Variants in ATF7IP observed in about 807,000 individuals in gnomAD.
ATF7IP encodes the protein activating transcription factor 7-interacting protein 1.
ATF7IP carries 23 observed loss-of-function variants against 106.4 expected under a neutral mutation model. That is an observed-to-expected ratio of 0.22 (90% CI 0.16 to 0.31). The LOEUF is 0.31. Among genes scored for constraint, ATF7IP ranks in the 10% least tolerant of loss-of-function variants. The pLI is 1.00. For synonymous variants in ATF7IP, 542 were observed against 539.0 expected, an observed-to-expected ratio of 1.01 and a Z score of -0.08; for missense variants, 1,334 against 1,524.3, an observed-to-expected ratio of 0.88 and a Z score of 2.08.
At position 14,411,278 on chromosome 12, in the gene ATF7IP, C is replaced by G. The variant is rs538557095; in HGVS notation, c.-7-12631C>G. ...AGGTTCCAATTTATCCATATCATTG[C>G]CAATACTCATTATTCTTGTTGATTA... is the stretch of plus-strand genomic sequence containing the variant. On this transcript the variant is annotated intron_variant, in intron 1 of 14. Transcript: ENST00000261168. Among the ~76,000 whole-genome samples the G allele has an allele frequency of 2.6e-5, 4 of 152,084 alleles. No homozygotes were observed. In the East Asian group the frequency reaches 7.8e-4, roughly 30 times the overall value.
chr12:14,466,618 A>G, intron 10 of ATF7IP, 28 bp downstream of exon 10: 2 of 1,526,054 alleles, frequency 1.3e-6, no homozygotes, highest in Non-Finnish European at 1.8e-6. Flanking sequence ...TCTTCAAAGT[A>G]AAATCCTAAT....
At chr12:14,452,393 A>G (rs949162670) in intron 6 of ATF7IP, among the ~76,000 whole-genome samples, 4 of 151,840 alleles carry the variant, frequency 2.6e-5, no homozygotes, top group Admixed American at 6.6e-5. Context: ...TTTTTTCTCT[A>G]TGACTTGTAG....
In ATF7IP at chr12:14,439,840, A is replaced by AATCCATCCATCC. The variant is rs34509750; in HGVS notation, c.1929+1610_1929+1621dup. ...AGAGTGAGACTCTGTCTCCAAAATA[A>AATCCATCCATCC]ATCCATCCATCCATCCATCCATCCA... On this transcript the variant is annotated intron_variant, in intron 5 of 14. Transcript: ENST00000261168. Among the ~76,000 whole-genome samples, 543 of 148,600 alleles carry AATCCATCCATCC rather than the reference A, an allele frequency of 3.7e-3. 4 individuals carry two copies. Among genetic ancestry groups the AATCCATCCATCC allele is most frequent in the South Asian group, 3.5e-3 (16 of 4,616 alleles).
At chr12:14,391,718 G>A (rs1413310673) in intron 1 of ATF7IP, among the ~76,000 whole-genome samples, 1 of 151,774 alleles carries the variant, frequency 6.6e-6, no homozygotes, top group African/African-American at 2.4e-5. Flanking sequence ...TAGGTATTTT[G>A]TTTGTTTGTT....
chr12:14,481,046 G>C lies in ATF7IP; in HGVS notation c.3141G>C (p.Val1047=). 6.2e-7 allele frequency: 1 copy of C among 1,613,928 alleles called. No homozygotes were observed. The highest frequency in any genetic ancestry group is 8.5e-7 in the Non-Finnish European group (1 of 1,179,924). ...TAACACATCGTCCAGTAACTCAGGT[G>C]ACCACAAGACTCCCTGTACCAAGAG... ...VNVTHRPVTQ[V]TTRLPVPRAP... is the part of the protein sequence containing the mutation. Residue 1047 remains valine, a synonymous_variant, in exon 13 of 15, where the codon GTG becomes GTC. Transcript: ENST00000261168.
At chr12:14,376,143 C>T (rs1184971512) in intron 1 of ATF7IP, among the ~76,000 whole-genome samples, 3 of 152,220 alleles carry the variant, frequency 2.0e-5, no homozygotes, top group Non-Finnish European at 4.4e-5. Flanking sequence ...CATTTTCTCA[C>T]ATTGATTGTC....
rs781247694 is a variant in ATF7IP, at chr12:14,424,500, T to G, written c.585T>G (p.Thr195=). 1.2e-6 allele frequency: 2 copies of G among 1,613,948 alleles called. No homozygotes were observed. The highest frequency in any genetic ancestry group is 3.3e-5 in the Admixed American group (2 of 59,990). ...SPGDATSGDA[T]ADDLSSGDPT... ...GTGATGCCACCTCTGGTGATGCCACTGCTGATGATCTCTCCTCTGGTGATC... is the reference window on the plus strand; with the variant it reads ...GTGATGCCACCTCTGGTGATGCCACGGCTGATGATCTCTCCTCTGGTGATC... Residue 195 remains threonine, a synonymous_variant, in exon 2 of 15, where the codon ACT becomes ACG. Transcript: ENST00000261168.
At chr12:14,406,706 C>T (rs1940607436) in intron 1 of ATF7IP, among the ~76,000 whole-genome samples, 1 of 147,108 alleles carries the variant, frequency 6.8e-6, no homozygotes, top group African/African-American at 2.5e-5. Flanking sequence ...GCTCTTTTGC[C>T]CAGGCTGTAG....
intron 1 of ATF7IP, among the ~76,000 whole-genome samples, chr12:14,409,909 A>T (rs924623479): frequency 1.1e-4 from 16 of 152,136 alleles, no homozygotes; most frequent in African/African-American, 2.2e-4. Context: ...TATTTTTTTT[A>T]AAATATCTAG....
At chr12:14,454,191 T>C (rs1565525757) in intron 6 of ATF7IP, among the ~76,000 whole-genome samples, 2 of 152,156 alleles carry the variant, frequency 1.3e-5, no homozygotes, top group Non-Finnish European at 1.5e-5. Context: ...GCTATGTGTC[T>C]TCTCTGGGCT....
intron 6 of ATF7IP, among the ~76,000 whole-genome samples, chr12:14,453,682 C>T (rs1273737980): frequency 6.6e-6 from 1 of 151,218 alleles, no homozygotes; most frequent in Non-Finnish European, 1.5e-5. Flanking sequence ...TGGAGTGTAA[C>T]GGCGCAATCT....
At chr12:14,465,258 A>G (rs1262174746) in intron 9 of ATF7IP, among the ~76,000 whole-genome samples, 1 of 151,980 alleles carries the variant, frequency 6.6e-6, no homozygotes, top group African/African-American at 2.4e-5. Flanking sequence ...AAAAATAAAA[A>G]TATAAAAGTG....
intron 5 of ATF7IP, among the ~76,000 whole-genome samples, chr12:14,441,853 A>G (rs1942727205): frequency 6.6e-6 from 1 of 152,104 alleles, no homozygotes; most frequent in South Asian, 2.1e-4. Context: ...ATGATTGCAA[A>G]TATTTTCTCC....
Position 14,460,530 on chromosome 12 carries a change from G to C in ATF7IP, c.2194G>C (p.Val732Leu). Residue 732 changes from valine (V) to leucine (L), a missense_variant, in exon 9 of 15, where the codon GTC (valine) becomes CTC (leucine). By Grantham distance (32) the Val-to-Leu change is conservative (BLOSUM62 1). Around this residue, in one of 10 missense-constraint regions of ATF7IP, gnomAD observed 171 missense variants for 172.6 expected, o/e 0.99. Coordinates refer to ENST00000261168, the MANE Select transcript of ATF7IP (RefSeq NM_018179.5). ...CAATCTTGTCACTCCTCCAGCAGTTGTCAGTAGTCAACCTAAATTGCAGAC... is the reference window on the plus strand; with the variant it reads ...CAATCTTGTCACTCCTCCAGCAGTTCTCAGTAGTCAACCTAAATTGCAGAC... Reference protein sequence around the residue: ...STNLVTPPAVVSSQPKLQTPV... With the variant: ...STNLVTPPAVLSSQPKLQTPV... 1 of 1,614,094 alleles carries C rather than the reference G, an allele frequency of 6.2e-7. No homozygotes were observed. The highest frequency in any genetic ancestry group is 8.5e-7 in the Non-Finnish European group (1 of 1,180,000).
At chr12:14,435,402 A>C (rs781328843) in intron 3 of ATF7IP, among the ~76,000 whole-genome samples, 4 of 152,220 alleles carry the variant, frequency 2.6e-5, no homozygotes, top group African/African-American at 4.8e-5. Context: ...GCATGGTCAC[A>C]TAAGAGCATT....
chr12:14,431,015 A>G (rs943366517), intron 2 of ATF7IP, among the ~76,000 whole-genome samples: 2 of 152,192 alleles, frequency 1.3e-5, no homozygotes, highest in Non-Finnish European at 2.9e-5. Context: ...TTTGTCCTCC[A>G]TTTTTCCTTA....
intron 5 of ATF7IP, among the ~76,000 whole-genome samples, chr12:14,440,409 A>C (rs570605533): frequency 6.6e-6 from 1 of 152,092 alleles, no homozygotes; most frequent in Non-Finnish European, 1.5e-5. Context: ...TTCATTTTTA[A>C]AATTTTTAAA....
chr12:14,462,613 G>A (rs1943686437), intron 9 of ATF7IP, among the ~76,000 whole-genome samples: 1 of 151,950 alleles, frequency 6.6e-6, no homozygotes, highest in African/African-American at 2.4e-5. Context: ...TTCTAAAAGT[G>A]TCAGAATTAT....
chr12:14,498,484 A>G lies in ATF7IP; in HGVS notation c.*411A>G, dbSNP rs763622636. ...ATGATTCTGCTTTTGAAGGATCTAT[A>G]GTATCATTTTAGTTAAGTGGGTCAA... On this transcript the variant is annotated 3_prime_UTR_variant, in exon 15 of 15. Transcript: ENST00000261168. The G allele has an allele frequency of 1.2e-5, 2 of 161,130 alleles. No homozygotes were observed. Among genetic ancestry groups the G allele is most frequent in the Non-Finnish European group, 2.7e-5 (2 of 74,244 alleles). 10.0% of individuals were successfully genotyped at this position (161,130 alleles called of 1,614,324 possible). A position where few individuals can be genotyped will look rare whatever the true frequency, so the allele number is the denominator to read the frequency against.
Sources: allele counts gnomAD v4.1 joint callset (sites outside exome capture counted in the v4.1 genomes callset), GRCh38; gene constraint gnomAD v4.1.1; regional missense constraint gnomAD v4.1.1; transcripts MANE v1.5; gene names NCBI Gene and HGNC (gene_info 2026-07-23, HGNC 2026-07-21).